Variants in AFF3 observed in about 807,000 individuals in gnomAD.
The protein encoded by AFF3 is AF4/FMR2 family member 3.
AFF3 carries 32 observed loss-of-function variants against 129.7 expected under a neutral mutation model. The observed-to-expected ratio is 0.25, with a 90% CI of 0.19 to 0.33. The LOEUF is 0.33. AFF3 is among the 10% of genes least tolerant of loss of function. The pLI, the probability that AFF3 is intolerant of heterozygous loss-of-function variation, is 1.00. For synonymous variants in AFF3, 644 were observed against 635.4 expected (o/e 1.01, Z -0.20); for missense variants, 1,373 against 1,592.0 (o/e 0.86, Z 2.34).
At chr2:99,882,971 G>A (rs992071294) in intron 7 of AFF3, among the ~76,000 whole-genome samples, 1 of 152,158 alleles carries the variant, frequency 6.6e-6, no homozygotes, top group East Asian at 1.9e-4. Flanking sequence ...TCTAACAAAG[G>A]AAAACAAGGT....
intron 18 of AFF3, among the ~76,000 whole-genome samples, chr2:99,575,553 G>A (rs182804029): frequency 1.4e-3 from 206 of 151,808 alleles, no homozygotes; most frequent in Admixed American, 1.8e-3. Context: ...GAGCCACCGC[G>A]CCTGGCCTAT....
At chr2:99,988,286 A>T (rs1680043326) in intron 7 of AFF3, among the ~76,000 whole-genome samples, 1 of 152,226 alleles carries the variant, frequency 6.6e-6, no homozygotes, top group Admixed American at 6.5e-5. Flanking sequence ...GCTTGACTTC[A>T]TCAGGCAGGG....
At chr2:99,997,553 T>C (rs1476005992) in intron 7 of AFF3, among the ~76,000 whole-genome samples, 1 of 151,316 alleles carries the variant, frequency 6.6e-6, no homozygotes, top group Non-Finnish European at 1.5e-5. Flanking sequence ...TCATTCTCAG[T>C]GCAACAGCCA....
intron 7 of AFF3, among the ~76,000 whole-genome samples, chr2:99,882,073 C>G (rs1011652863): frequency 6.6e-6 from 1 of 150,640 alleles, no homozygotes; most frequent in Non-Finnish European, 1.5e-5. Context: ...CTCTCTCTCT[C>G]TGTCTCTCTC....
intron 10 of AFF3, among the ~76,000 whole-genome samples, chr2:99,743,437 CCA>C (rs1324176964): frequency 2.0e-5 from 3 of 152,100 alleles, no homozygotes; most frequent in African/African-American, 7.2e-5. Flanking sequence ...CTAACAAAGC[CCA>C]GTCTTTGTGA....
chr2:99,613,758 T>C (rs1299813048), intron 13 of AFF3, among the ~76,000 whole-genome samples: 2 of 152,358 alleles, frequency 1.3e-5, no homozygotes, highest in East Asian at 1.9e-4. Flanking sequence ...TCCTTAATAA[T>C]AGCAGCCTTT....
chr2:100,095,690 G>T (rs1234961723), intron 4 of AFF3, among the ~76,000 whole-genome samples: 1 of 152,170 alleles, frequency 6.6e-6, no homozygotes, highest in Admixed American at 6.5e-5. Flanking sequence ...ATGTGCTTAT[G>T]TGCACGCACA....
At chr2:99,730,321 T>C (rs1679720378) in intron 10 of AFF3, among the ~76,000 whole-genome samples, 2 of 152,190 alleles carry the variant, frequency 1.3e-5, no homozygotes, top group Non-Finnish European at 2.9e-5. Flanking sequence ...ACTTCTATGT[T>C]GGGTGCTCTT....
At chr2:99,646,086 G>A (rs1196073377) in intron 13 of AFF3, among the ~76,000 whole-genome samples, 2 of 152,148 alleles carry the variant, frequency 1.3e-5, no homozygotes, top group African/African-American at 4.8e-5. Context: ...ACAAAAACTG[G>A]CTTCCTACAG....
chr2:99,890,509 A>ACAGT (rs1292346405), intron 7 of AFF3, among the ~76,000 whole-genome samples: 1 of 152,194 alleles, frequency 6.6e-6, no homozygotes, highest in Admixed American at 6.5e-5. Flanking sequence ...CCTTGCCTGG[A>ACAGT]CAGTCACGAG....
intron 8 of AFF3, among the ~76,000 whole-genome samples, chr2:99,787,663 G>C (rs1204026555): frequency 6.6e-6 from 1 of 152,196 alleles, no homozygotes; most frequent in African/African-American, 2.4e-5. Context: ...CTTCTGACTG[G>C]AGACTTAGGC....
At chr2:100,052,877 G>C (rs1381304558) in intron 4 of AFF3, among the ~76,000 whole-genome samples, 2 of 152,140 alleles carry the variant, frequency 1.3e-5, no homozygotes, top group Admixed American at 1.3e-4. Context: ...ATGCGCACCT[G>C]CAACATGTGA....
At chr2:99,771,245 C>A (rs1683454842) in intron 8 of AFF3, among the ~76,000 whole-genome samples, 1 of 151,998 alleles carries the variant, frequency 6.6e-6, no homozygotes, top group Admixed American at 6.6e-5. Flanking sequence ...GGGAAAAACA[C>A]ATACTGAGGC....
At chr2:99,781,787 C>T (rs150151452) in intron 8 of AFF3, among the ~76,000 whole-genome samples, 1 of 151,984 alleles carries the variant, frequency 6.6e-6, no homozygotes, top group African/African-American at 2.4e-5. Flanking sequence ...AACCAAGAAG[C>T]GGATTAAGAA....
chr2:100,042,164 C>T (rs1014518483), intron 4 of AFF3, among the ~76,000 whole-genome samples: 17 of 152,116 alleles, frequency 1.1e-4, no homozygotes, highest in Non-Finnish European at 2.4e-4. Context: ...GAGAAAGGCC[C>T]TTGTCCCCGC....
intron 7 of AFF3, among the ~76,000 whole-genome samples, chr2:99,979,036 C>CATTGATCTCTTCAACTGAAGAGATCAAT (rs1330628947): frequency 6.6e-6 from 1 of 151,778 alleles, no homozygotes; most frequent in Non-Finnish European, 1.5e-5. Flanking sequence ...AAGAGATCAA[C>CATTGATCTCTTCAACTGAAGAGATCAAT]GCAATGATCT....
chr2:99,842,780 T>C (rs983252553), intron 7 of AFF3, among the ~76,000 whole-genome samples: 12 of 152,088 alleles, frequency 7.9e-5, no homozygotes, highest in Admixed American at 2.6e-4. Flanking sequence ...ATGGTGGAAG[T>C]CCCTAATTAC....
At chr2:99,842,308 T>A (rs1019710560) in intron 7 of AFF3, among the ~76,000 whole-genome samples, 1 of 152,198 alleles carries the variant, frequency 6.6e-6, no homozygotes, top group Non-Finnish European at 1.5e-5. Context: ...TCCATGTTTA[T>A]CAACAAGATT....
intron 8 of AFF3, among the ~76,000 whole-genome samples, chr2:99,808,929 C>T (rs1686570662): frequency 1.3e-5 from 2 of 152,302 alleles, no homozygotes; most frequent in African/African-American, 4.8e-5. Context: ...TTAATGACTA[C>T]TCAGTGAGGC....
Sources: allele counts gnomAD v4.1 joint callset (sites outside exome capture counted in the v4.1 genomes callset), GRCh38; gene constraint gnomAD v4.1.1; transcripts MANE v1.5; gene names NCBI Gene and HGNC (gene_info 2026-07-23, HGNC 2026-07-21).